Variants in NBEAL1 observed in about 807,000 individuals in gnomAD.
NBEAL1 encodes the protein neurobeachin-like protein 1.
A neutral mutation model predicts 351.3 loss-of-function variants in NBEAL1; 273 were observed. That is an observed-to-expected ratio of 0.78 (90% confidence interval 0.70 to 0.86). The LOEUF (loss-of-function observed/expected upper bound fraction) is 0.86. Ranked by LOEUF, NBEAL1 falls within the 40% of genes least tolerant of loss-of-function variation. The pLI is 0.00. For synonymous variants in NBEAL1, 1,050 were observed against 1,086.4 expected (o/e 0.97, Z 0.66); for missense variants, 2,961 against 3,201.3 (o/e 0.92, Z 1.81).
At chr2:203,057,807 C>A (rs909400420) in intron 6 of NBEAL1, among the ~76,000 whole-genome samples, 1 of 150,522 alleles carries the variant, frequency 6.6e-6, no homozygotes. Context: ...GTATTTTGTC[C>A]ATTTTTTTTC....
chr2:203,184,456 T>C (rs1235163177), intron 44 of NBEAL1, among the ~76,000 whole-genome samples: 1 of 152,038 alleles, frequency 6.6e-6, no homozygotes, highest in Non-Finnish European at 1.5e-5. Flanking sequence ...AATAAAGTAT[T>C]AGTTTTTAGT....
intron 15 of NBEAL1, 99 bp from the exon 16 acceptor site, chr2:203,111,873 AACGTTCT>A: frequency 8.0e-7 from 1 of 1,252,144 alleles, no homozygotes; most frequent in Non-Finnish European, 1.1e-6. Flanking sequence ...GTTTAATCTT[AACGTTCT>A]ACTATTTGTA....
chr2:203,187,644 G>A (rs926034035), intron 44 of NBEAL1, among the ~76,000 whole-genome samples: 1 of 151,802 alleles, frequency 6.6e-6, no homozygotes, highest in African/African-American at 2.4e-5. Context: ...GGGAGGCTGA[G>A]GCAGGAGAAT....
Position 203,208,680 on chromosome 2 carries a change from T to G in NBEAL1, c.7550T>G (p.Leu2517Arg). The G allele has an allele frequency of 6.2e-7, 1 of 1,612,840 alleles. No individual in the cohort carries two copies. The highest frequency in any genetic ancestry group is 2.2e-5 in the East Asian group (1 of 44,802). The change falls in exon 52 of 56, where the codon CTT becomes CGT. Residue 2517 changes from leucine (L) to arginine (R), a missense_variant. Transcript: ENST00000683969. ...TTAGCATCTAAACCTTTTCAGATTC[T>G]TTATGGACACACCAACGAGGTACTG... ...VGLASKPFQI[L>R]YGHTNEVLSV...
At chr2:203,052,410 A>G (rs1037542519) in intron 4 of NBEAL1, 1 of 152,462 alleles carries the variant, frequency 6.6e-6, no homozygotes, top group African/African-American at 2.4e-5. Context: ...TCTCATCTAG[A>G]ATGAGGCTTA....
chr2:203,025,462 A>G (rs2060842306), intron 2 of NBEAL1, among the ~76,000 whole-genome samples: 1 of 152,166 alleles, frequency 6.6e-6, no homozygotes, highest in South Asian at 2.1e-4. Flanking sequence ...ATTGCTCTAC[A>G]TTTGCTACAG....
Position 203,217,304 on chromosome 2 carries a change from A to G in NBEAL1, c.8122A>G (p.Ser2708Gly). Residue 2708 changes from serine to glycine, a missense_variant, in exon 56 of 56, where the codon AGC (serine) becomes GGC (glycine). Coordinates refer to ENST00000683969, the MANE Select transcript of NBEAL1 (RefSeq NM_001378026.1). ...RKFWGSSKRL[S>G]QISAGETEYN... ...ATTTTGGGGATCGAGCAAGCGGCTCAGCCAGATTTCAGCTGGAGAAACTGA... is the reference window on the plus strand; with the variant it reads ...ATTTTGGGGATCGAGCAAGCGGCTCGGCCAGATTTCAGCTGGAGAAACTGA... 1.2e-6 allele frequency: 2 copies of G among 1,602,816 alleles called. No individual in the cohort carries two copies. Among genetic ancestry groups the G allele is most frequent in the South Asian group, 1.1e-5 (1 of 89,306 alleles).
In NBEAL1 at chr2:203,211,096, G is replaced by A. The variant is rs767160659; in HGVS notation, c.7924G>A (p.Asp2642Asn). Residue 2642 changes from aspartate (D) to asparagine (N), a missense_variant, in exon 54 of 56, where the codon GAT (aspartate) becomes AAT (asparagine). Asp to Asn is a conservative substitution (Grantham distance 23). Transcript: ENST00000683969. ...CATACAAGGATTCCTGTCTATAAGA[G>A]ATCTCCACAGGTAAATAATAAAAAC... ...GSIQGFLSIR[D>N]LHSLNLSINP... 6.3e-7 allele frequency: 1 copy of A among 1,583,436 alleles called. No homozygotes were observed. The highest frequency in any genetic ancestry group is 8.6e-7 in the Non-Finnish European group (1 of 1,165,028).
rs774601546 is a variant in NBEAL1, at chr2:203,122,288, C to T, written c.2627C>T (p.Thr876Ile). 1.5e-5 allele frequency: 23 copies of T among 1,543,630 alleles called. No individual in the cohort carries two copies. The highest frequency in any genetic ancestry group is 9.8e-5 in the South Asian group (8 of 81,610). Residue 876 changes from threonine (T) to isoleucine (I), a missense_variant, in exon 19 of 56, where the codon ACT (threonine) becomes ATT (isoleucine). Thr to Ile is a moderately conservative substitution (Grantham distance 89, BLOSUM62 -1). Coordinates refer to ENST00000683969, the MANE Select transcript of NBEAL1 (RefSeq NM_001378026.1). ...CKNSICLDLS[T>I]NCLHGRLTGN... ...AATTCAATCTGTCTTGATTTATCTA[C>T]TAATTGTTTGCATGGAAGATTAACA...
intron 36 of NBEAL1, among the ~76,000 whole-genome samples, chr2:203,165,073 C>G (rs1344027097): frequency 6.6e-6 from 1 of 152,056 alleles, no homozygotes; most frequent in Non-Finnish European, 1.5e-5. Flanking sequence ...GTTGGTCAGG[C>G]TGGTCTTGAA....
At chr2:203,141,270 A>T (rs969247827) in intron 31 of NBEAL1, among the ~76,000 whole-genome samples, 4 of 147,768 alleles carry the variant, frequency 2.7e-5, no homozygotes, top group Non-Finnish European at 5.9e-5. Flanking sequence ...TTTAGTTCAC[A>T]ATTAAGTATT....
rs539506552 is a variant in NBEAL1 at position 203,050,939 on chromosome 2, A to G, written c.305+964A>G. On this transcript the variant is annotated intron_variant, in intron 4 of 55. Coordinates refer to ENST00000683969, the MANE Select transcript of NBEAL1 (RefSeq NM_001378026.1). ...TTGGTTCATATTCCTCTTGAAACCT[A>G]TCTTCATTTCGGAAGCTACATTCTA... Among the ~76,000 whole-genome samples, 10 of 152,334 alleles carry G rather than the reference A, an allele frequency of 6.6e-5. No homozygotes were observed. The East Asian group carries it at 1.4e-3, about 21-fold the overall frequency.
chr2:203,208,947 G>A (rs780594421), intron 52 of NBEAL1, among the ~76,000 whole-genome samples, 194 bp downstream of exon 52: 45 of 152,166 alleles, frequency 3.0e-4, no homozygotes, highest in South Asian at 6.2e-4. Flanking sequence ...GATTTTATTC[G>A]TTTTATTATT....
chr2:203,161,628 CAAAT>C (rs71928655), intron 36 of NBEAL1, among the ~76,000 whole-genome samples: 8,455 of 136,998 alleles, frequency 0.062, 282 homozygotes, highest in Non-Finnish European at 0.07. Context: ...GACTCCGTCT[CAAAT>C]AAATAAATAA....
intron 42 of NBEAL1, among the ~76,000 whole-genome samples, chr2:203,175,580 C>T (rs1309122239): frequency 4.6e-5 from 7 of 152,006 alleles, no homozygotes; most frequent in Non-Finnish European, 8.8e-5. Flanking sequence ...AAGGCATCAC[C>T]GGAGAGTCAA....
rs1340829502 is a variant in NBEAL1, at chr2:203,126,807, T to A, written c.3146-17T>A. On this transcript the variant is annotated splice_polypyrimidine_tract_variant and intron_variant, in intron 22 of 55. Transcript: ENST00000683969. ...TTATTTTAGCTGAATTACTTACCAT[T>A]GAACTTTTTATTTTAGGTCACATAC... 1 of 1,544,820 alleles carries A rather than the reference T, an allele frequency of 6.5e-7. No individual in the cohort carries two copies. The highest frequency in any genetic ancestry group is 2.4e-5 in the East Asian group (1 of 40,918).
intron 54 of NBEAL1, among the ~76,000 whole-genome samples, chr2:203,212,012 C>T (rs981224348): frequency 3.6e-4 from 55 of 151,988 alleles, no homozygotes; most frequent in Non-Finnish European, 1.3e-4. Flanking sequence ...TCACCCTCCA[C>T]GTCAGCTGGG....
intron 46 of NBEAL1, among the ~76,000 whole-genome samples, chr2:203,191,823 C>A (rs79386706): frequency 6.6e-6 from 1 of 152,168 alleles, no homozygotes; most frequent in Non-Finnish European, 1.5e-5. Context: ...TGTAAGCCCC[C>A]GTTAAACTAG....
intron 2 of NBEAL1, among the ~76,000 whole-genome samples, chr2:203,017,192 C>A (rs2060695536): frequency 6.6e-6 from 1 of 152,130 alleles, no homozygotes; most frequent in African/African-American, 2.4e-5. Flanking sequence ...TGAGGAGGTA[C>A]ATTATTACTT....
Sources: gnomAD v4.1 joint callset for allele counts (sites outside exome capture counted in the v4.1 genomes callset) on GRCh38, gnomAD v4.1.1 for gene constraint, MANE v1.5 for transcripts, NCBI Gene and HGNC (gene_info 2026-07-23, HGNC 2026-07-21) for gene names.